CHAF1A: variants seen among roughly 807,000 people sequenced by gnomAD.
The protein encoded by CHAF1A is CAF-1 subunit A.
A neutral mutation model predicts 93.2 loss-of-function variants in CHAF1A; 5 were observed. That is an observed-to-expected ratio of 0.05 (90% CI 0.03 to 0.11). The LOEUF is 0.11. Among genes scored for constraint, CHAF1A ranks in the 10% least tolerant of loss-of-function variants. CHAF1A has a pLI of 1.00. For missense variants in CHAF1A, 1,102 were observed against 1,259.9 expected, an observed-to-expected ratio of 0.87 and a Z score of 1.90; for synonymous variants, 504 against 510.3, an observed-to-expected ratio of 0.99 and a Z score of 0.17.
chr19:4,405,624 ATTT>A (rs900321444), intron 1 of CHAF1A, among the ~76,000 whole-genome samples: 1 of 144,200 alleles, frequency 6.9e-6, no homozygotes, highest in African/African-American at 2.6e-5. Flanking sequence ...AAAAAAAAAA[ATTT>A]TTTTTTTTTG....
chr19:4,447,646 G>A (rs773471756), downstream of CHAF1A: 16 of 1,613,318 alleles, frequency 9.9e-6, no homozygotes, highest in East Asian at 2.5e-4. Flanking sequence ...TGGAGAAGGT[G>A]AGTGGGGCAC....
chr19:4,430,612 T>C lies in CHAF1A; in HGVS notation c.1918T>C (p.Tyr640His). The change falls in exon 11 of 15, where the codon TAC (tyrosine) becomes CAC (histidine). Residue 640 changes from tyrosine (Y) to histidine (H), a missense_variant. Physicochemically the swap from Tyr to His is moderately conservative, Grantham distance 83. Coordinates refer to ENST00000301280, the MANE Select transcript of CHAF1A (RefSeq NM_005483.3). ...CGATGGTTTCTTTGTGCCCCATGGG[T>C]ACCTGTCTGAGGACGAAGGTGTGAC... ...EDDGFFVPHG[Y>H]LSEDEGVTEE... 6.2e-7 allele frequency: 1 copy of C among 1,613,582 alleles called. No individual in the cohort carries two copies. Among genetic ancestry groups the C allele is most frequent in the Non-Finnish European group, 8.5e-7 (1 of 1,179,884 alleles).
At chr19:4,448,537 T>C (rs552343246), downstream of CHAF1A, 3 of 777,318 alleles carry the variant, frequency 3.9e-6, no homozygotes, top group African/African-American at 5.2e-5. Flanking sequence ...GCCCCAGCTG[T>C]GCGCTCATCA....
chr19:4,445,396 C>G, downstream of CHAF1A: 1 of 1,562,916 alleles, frequency 6.4e-7, no homozygotes. Context: ...GGGGCAGAGC[C>G]AAGTATTTCC....
chr19:4,412,544 CAA>C (rs1973824894), intron 3 of CHAF1A, among the ~76,000 whole-genome samples: 1 of 149,336 alleles, frequency 6.7e-6, no homozygotes, highest in Non-Finnish European at 1.5e-5. Flanking sequence ...AACTCCGTCT[CAA>C]GAAAAAAAAA....
At chr19:4,443,519 C>T (rs1416233228), downstream of CHAF1A, 1 of 165,426 alleles carries the variant, frequency 6.0e-6, no homozygotes. Context: ...CAGCACCGTC[C>T]CATCTGTTTG....
intron 3 of CHAF1A, among the ~76,000 whole-genome samples, chr19:4,413,292 G>A (rs376874747): frequency 6.6e-5 from 10 of 152,064 alleles, no homozygotes; most frequent in African/African-American, 2.2e-4. Flanking sequence ...GGCTGGTCTC[G>A]AACTCCTGAC....
chr19:4,445,864 G>A (rs772242326), downstream of CHAF1A: 73 of 1,079,064 alleles, frequency 6.8e-5, 2 homozygotes, highest in South Asian at 1.1e-3. Context: ...CTGAGGCGTG[G>A]AGTAGTTATG....
intron 13 of CHAF1A, among the ~76,000 whole-genome samples, chr19:4,437,933 G>A (rs1003580435): frequency 1.3e-5 from 2 of 151,988 alleles, no homozygotes; most frequent in Non-Finnish European, 1.5e-5. Context: ...AGTAGAGACG[G>A]GGTTTCACTG....
At chr19:4,419,781 A>G (rs243361) in intron 4 of CHAF1A, among the ~76,000 whole-genome samples, 8 of 152,190 alleles carry the variant, frequency 5.3e-5, no homozygotes, top group Non-Finnish European at 1.0e-4. Flanking sequence ...GAGCACTTTT[A>G]AAGCTCATTG....
intron 13 of CHAF1A, among the ~76,000 whole-genome samples, chr19:4,436,543 G>T (rs1377881334): frequency 1.3e-5 from 2 of 152,194 alleles, no homozygotes; most frequent in African/African-American, 4.8e-5. Context: ...AGCAGCCTTA[G>T]AGGGAACCGG....
At chr19:4,445,544 G>C (rs149133767), downstream of CHAF1A, 423 of 1,613,948 alleles carry the variant, frequency 2.6e-4, 3 homozygotes, top group African/African-American at 4.5e-3. Flanking sequence ...TTTCAGGATG[G>C]AGTCCGGCTC....
Position 4,422,886 on chromosome 19 carries a change from C to A in CHAF1A, c.1247+91C>A. 1 of 1,194,792 alleles carries A rather than the reference C, an allele frequency of 8.4e-7. No individual in the cohort carries two copies. Among genetic ancestry groups the A allele is most frequent in the South Asian group, 1.4e-5 (1 of 71,500 alleles). The allele number at this position is 1,194,792 out of a possible 1,614,324, so 74.0% of individuals were successfully genotyped here. On this transcript the variant is annotated intron_variant, in intron 5 of 14. Transcript: ENST00000301280. This position sits in a 1 kb window ranked among gnomAD's most constrained non-coding sequence, Gnocchi z 4.6. ...TGATGGGGCCTTTCCACTTCACAGG[C>A]AGATGGCGGCTCCCTTCAGTTCCTT...
downstream of CHAF1A, chr19:4,446,438 G>C (rs116062482): frequency 7.6e-4 from 1,198 of 1,578,702 alleles, 11 homozygotes; most frequent in African/African-American, 0.015. Context: ...CAGGTCACGA[G>C]GGCTGGCCGG....
chr19:4,430,711 A>G, intron 11 of CHAF1A, 70 bp downstream of exon 11: 1 of 1,544,014 alleles, frequency 6.5e-7, no homozygotes, highest in Non-Finnish European at 8.9e-7. Flanking sequence ...CAGTGGCCTG[A>G]CCTGGGAGGG....
chr19:4,415,695 CG>C (rs1406486441), intron 3 of CHAF1A, among the ~76,000 whole-genome samples: 3 of 152,056 alleles, frequency 2.0e-5, no homozygotes, highest in Admixed American at 6.6e-5. Flanking sequence ...GGCCTGATCT[CG>C]GTGGTGAAAG....
intron 4 of CHAF1A, among the ~76,000 whole-genome samples, chr19:4,418,721 G>A (rs1973938898): frequency 6.6e-6 from 1 of 152,074 alleles, no homozygotes; most frequent in Non-Finnish European, 1.5e-5. Context: ...GGCCAGTCCT[G>A]TGTCTTTCAC....
At chr19:4,450,546 CAGG>C in the CHAF1A span, 9 of 152,050 alleles carry the variant, frequency 5.9e-5, no homozygotes, top group African/African-American at 2.2e-4. Flanking sequence ...ATCACGAGGT[CAGG>C]AGATCGAGAC....
chr19:4,431,774 C>T (rs1040939386), intron 11 of CHAF1A, among the ~76,000 whole-genome samples, 178 bp from the exon 12 acceptor site: 10 of 152,192 alleles, frequency 6.6e-5, no homozygotes, highest in Admixed American at 6.5e-4. Context: ...ATTATTCCAT[C>T]TGGAAGAGGG....
Sources: allele counts gnomAD v4.1 joint callset (sites outside exome capture counted in the v4.1 genomes callset), GRCh38; gene constraint gnomAD v4.1.1; non-coding constraint Gnocchi (gnomAD v3.1); transcripts MANE v1.5; gene names NCBI Gene and HGNC (gene_info 2026-07-23, HGNC 2026-07-21).